Variants in SATB1 observed in about 807,000 individuals in gnomAD.
SATB1 encodes SATB homeobox 1, also known as DNA-binding protein SATB1.
A neutral mutation model predicts 86.9 loss-of-function variants in SATB1; 11 were observed. The observed-to-expected ratio is 0.13, with a 90% confidence interval of 0.08 to 0.21. The LOEUF is 0.21. SATB1 is among the 10% of genes least tolerant of loss of function. SATB1 has a pLI of 1.00. For synonymous variants in SATB1, 357 were observed against 357.2 expected (o/e 1.00, Z 0.01); for missense variants, 551 against 937.6 (o/e 0.59, Z 5.39).
chr3:18,377,806 T>C (rs1168336397), intron 9 of SATB1, among the ~76,000 whole-genome samples: 1 of 152,008 alleles, frequency 6.6e-6, no homozygotes, highest in East Asian at 1.9e-4. Context: ...AGCATTTTAG[T>C]AGGAAAAAAA....
At chr3:18,419,883 G>A (rs1247577668) in intron 2 of SATB1, among the ~76,000 whole-genome samples, 1 of 152,152 alleles carries the variant, frequency 6.6e-6, no homozygotes, top group African/African-American at 2.4e-5. Context: ...ATAAATGATT[G>A]TATGATAAAT....
In SATB1 at chr3:18,349,940, T is replaced by A; in HGVS notation, c.1780-258A>T. The A allele has an allele frequency of 1.9e-6, 1 of 515,686 alleles. No homozygotes were observed. The highest frequency in any genetic ancestry group is 5.3e-4 in the Middle Eastern group (1 of 1,900). The allele number at this position is 515,686 out of a possible 1,614,324, so 31.9% of individuals were successfully genotyped here. A position where few individuals can be genotyped will look rare whatever the true frequency, so the allele number is the denominator to read the frequency against. On this transcript the variant is annotated intron_variant, in intron 10 of 10. Transcript: ENST00000338745. The surrounding 1 kb of genome is among the most constrained non-coding windows in gnomAD (Gnocchi z 5.5). ...ACTTATCAGAGATCAGCAGAGGAAG[T>A]GAAAACTCAGTGCTCTGAAAATGTG...
intron 2 of SATB1, chr3:18,435,388 A>T (rs1220122300): frequency 6.6e-5 from 10 of 152,180 alleles, no homozygotes; most frequent in Admixed American, 6.5e-4. Flanking sequence ...GCAAAGAAGC[A>T]GCATCCTTTT....
intron 8 of SATB1, 103 bp from the exon 9 acceptor site, chr3:18,378,428 T>C: frequency 8.9e-7 from 1 of 1,123,280 alleles, no homozygotes; most frequent in Non-Finnish European, 1.3e-6. Context: ...CCTTTTATGA[T>C]CAAGGTGATC....
intron 5 of SATB1, among the ~76,000 whole-genome samples, chr3:18,400,750 T>C (rs1456051997): frequency 6.6e-6 from 1 of 152,220 alleles, no homozygotes; most frequent in Non-Finnish European, 1.5e-5. Flanking sequence ...TATGATCACA[T>C]TTCATATCAG....
At chr3:18,350,475 A>C (rs576120000) in intron 10 of SATB1, 2 of 152,392 alleles carry the variant, frequency 1.3e-5, no homozygotes, top group Non-Finnish European at 2.9e-5. Context: ...ATTATACATA[A>C]ATATGTGACA....
intron 5 of SATB1, chr3:18,409,691 GAA>G (rs1697733718): frequency 1.3e-5 from 2 of 151,974 alleles, no homozygotes; most frequent in Admixed American, 6.6e-5. Flanking sequence ...AAAAACTAGG[GAA>G]AGTTTTTTAA....
At chr3:18,368,924 G>T (rs1051895406) in intron 9 of SATB1, among the ~76,000 whole-genome samples, 2 of 151,860 alleles carry the variant, frequency 1.3e-5, no homozygotes, top group African/African-American at 4.8e-5. Flanking sequence ...ATTTATAGGG[G>T]GATTCTTCCG....
rs1491288730 is a variant in SATB1 at position 18,345,985 on chromosome 3, A to AGAT, written c.*3182_*3184dup. 2 of 152,152 alleles carry AGAT rather than the reference A, an allele frequency of 1.3e-5. No individual in the cohort carries two copies. Among genetic ancestry groups the AGAT allele is most frequent in the East Asian group, 3.8e-4 (2 of 5,202 alleles). 9.4% of individuals were successfully genotyped at this position (152,152 alleles called of 1,614,324 possible). Reference sequence around the variant, plus strand: ...CAAGCCAGTATTTTTAGATAAACACAGATATAGATATCGCTACTTTGAAAA... The same window carrying AGAT: ...CAAGCCAGTATTTTTAGATAAACACAGATGATATAGATATCGCTACTTTGAAAA... On this transcript the variant is annotated 3_prime_UTR_variant, in exon 11 of 11. Coordinates refer to ENST00000338745, the MANE Select transcript of SATB1 (RefSeq NM_002971.6).
chr3:18,408,652 C>T (rs1157321580), intron 5 of SATB1: 1 of 149,038 alleles, frequency 6.7e-6, no homozygotes, highest in Non-Finnish European at 1.5e-5. Context: ...AAATTGAGTT[C>T]GTGTATCTGT....
chr3:18,442,656 G>C (rs1437151528), upstream of SATB1, among the ~76,000 whole-genome samples: 2 of 152,142 alleles, frequency 1.3e-5, no homozygotes, highest in Non-Finnish European at 2.9e-5. Flanking sequence ...TAAACACTTG[G>C]AGAGGTAGTG....
chr3:18,406,552 G>C (rs1259174782), intron 5 of SATB1, among the ~76,000 whole-genome samples: 2 of 151,966 alleles, frequency 1.3e-5, no homozygotes, highest in Non-Finnish European at 2.9e-5. Context: ...ATTTAGAAAT[G>C]CTGCATATGT....
rs1443758487 is a variant in SATB1, at chr3:18,444,197, C to G, written c.-25+1321G>C. Among the ~76,000 whole-genome samples the G allele has an allele frequency of 6.6e-6, 1 of 152,106 alleles. No homozygotes were observed. The highest frequency in any genetic ancestry group is 1.9e-4 in the East Asian group (1 of 5,178). On this transcript the variant is annotated intron_variant, in intron 1 of 3. Coordinates refer to the SATB1 transcript ENST00000415069. This position sits in a 1 kb window ranked among gnomAD's most constrained non-coding sequence, Gnocchi z 5.1. ...CTGCCCGCCCGGCTCCAGAACGCACCGAGAGGCTCCCCTTTTCCCCATTTG... is the reference window on the plus strand; with the variant it reads ...CTGCCCGCCCGGCTCCAGAACGCACGGAGAGGCTCCCCTTTTCCCCATTTG...
intron 2 of SATB1, among the ~76,000 whole-genome samples, chr3:18,419,323 A>G (rs1020429926): frequency 6.6e-6 from 1 of 152,174 alleles, no homozygotes; most frequent in African/African-American, 2.4e-5. Flanking sequence ...ATAACCTTCC[A>G]GCATTTAAAG....
intron 2 of SATB1, 183 bp downstream of exon 2, chr3:18,420,574 C>T (rs1698329707): frequency 5.0e-6 from 3 of 604,152 alleles, no homozygotes; most frequent in Admixed American, 5.9e-5. Context: ...TCCACCCAAG[C>T]ATGGAGGCTA....
intron 5 of SATB1, among the ~76,000 whole-genome samples, chr3:18,399,126 C>A (rs984681050): frequency 6.6e-6 from 1 of 152,158 alleles, no homozygotes; most frequent in African/African-American, 2.4e-5. Context: ...CACATGAGTT[C>A]TAGATGTGGT....
At chr3:18,418,039 A>T (rs1159094151) in intron 2 of SATB1, among the ~76,000 whole-genome samples, 1 of 152,182 alleles carries the variant, frequency 6.6e-6, no homozygotes, top group East Asian at 1.9e-4. Context: ...GCACTGTCAG[A>T]CTTCCAATGA....
intron 1 of SATB1, among the ~76,000 whole-genome samples, chr3:18,422,296 T>C (rs372858351): frequency 6.6e-6 from 1 of 152,206 alleles, no homozygotes; most frequent in East Asian, 1.9e-4. Context: ...ATGGCTTTTC[T>C]GTAAATATTT....
At chr3:18,359,678 C>T (rs1694815198) in intron 9 of SATB1, among the ~76,000 whole-genome samples, 1 of 151,730 alleles carries the variant, frequency 6.6e-6, no homozygotes, top group Non-Finnish European at 1.5e-5. Flanking sequence ...TTTTTCTCGT[C>T]AGCCTAAGAT....
Sources: allele counts gnomAD v4.1 joint callset (sites outside exome capture counted in the v4.1 genomes callset), GRCh38; gene constraint gnomAD v4.1.1; non-coding constraint Gnocchi (gnomAD v3.1); transcripts MANE v1.5; gene names NCBI Gene and HGNC (gene_info 2026-07-23, HGNC 2026-07-21).